Variants in ADGRB3 observed in about 807,000 individuals in gnomAD.
ADGRB3 encodes the protein brain-specific angiogenesis inhibitor 3.
A neutral mutation model predicts 193.4 loss-of-function variants in ADGRB3; 37 were observed. That is an observed-to-expected ratio of 0.19 (90% CI 0.15 to 0.25). The LOEUF (loss-of-function observed/expected upper bound fraction) is 0.25. ADGRB3 is among the 10% of genes least tolerant of loss of function. The pLI, the probability that ADGRB3 is intolerant of heterozygous loss-of-function variation, is 1.00. For synonymous variants in ADGRB3, 690 were observed against 644.2 expected (o/e 1.07, Z -1.08); for missense variants, 1,637 against 1,852.9 (o/e 0.88, Z 2.14).
intron 24 of ADGRB3, 69 bp from the exon 25 acceptor site, chr6:69,338,847 A>C (rs11751775): frequency 0.18 from 252,530 of 1,374,664 alleles, 26,059 homozygotes; most frequent in African/African-American, 0.37. Context: ...AGCTAACTTG[A>C]AGCAGCAATT....
At chr6:68,689,101 A>G (rs913449306) in intron 3 of ADGRB3, among the ~76,000 whole-genome samples, 1 of 152,134 alleles carries the variant, frequency 6.6e-6, no homozygotes, top group African/African-American at 2.4e-5. Context: ...TTACAGAGGT[A>G]TGGTCAGAGT....
rs181827399 is a variant in ADGRB3, at chr6:69,079,869, C to T, written c.2480+3831C>T. Among the ~76,000 whole-genome samples, 10 of 152,106 alleles carry T rather than the reference C, an allele frequency of 6.6e-5. No homozygotes were observed. In the East Asian group the frequency reaches 1.7e-3, roughly 26 times the overall value. ...CTACGTTTGTTTTCAGAAAGTGTTT[C>T]GTTAATCCATTTGTAATTTATTTAC... On this transcript the variant is annotated intron_variant, in intron 17 of 31. Transcript: ENST00000370598.
At chr6:69,203,590 C>T (rs1165081825) in intron 17 of ADGRB3, among the ~76,000 whole-genome samples, 1 of 152,060 alleles carries the variant, frequency 6.6e-6, no homozygotes, top group Non-Finnish European at 1.5e-5. Context: ...AAAGGCAAGT[C>T]TTGAAAACGT....
intron 13 of ADGRB3, among the ~76,000 whole-genome samples, chr6:69,035,925 G>A (rs193278858): frequency 6.5e-4 from 99 of 152,270 alleles, no homozygotes; most frequent in South Asian, 1.9e-3. Flanking sequence ...ATTACACAGG[G>A]AATGCATATT....
chr6:69,069,079 C>A (rs1474286079), intron 16 of ADGRB3, among the ~76,000 whole-genome samples: 2 of 152,110 alleles, frequency 1.3e-5, no homozygotes, highest in Non-Finnish European at 2.9e-5. Flanking sequence ...GCTTTAGGTA[C>A]ACAGCAGCTG....
chr6:69,330,382 A>G (rs1363251724), intron 22 of ADGRB3, 124 bp from the exon 23 acceptor site: 10 of 537,480 alleles, frequency 1.9e-5, no homozygotes, highest in Non-Finnish European at 2.5e-5. Flanking sequence ...ATTTTTTATT[A>G]CAAATGTTTA....
intron 17 of ADGRB3, among the ~76,000 whole-genome samples, chr6:69,145,163 A>G (rs1027129469): frequency 2.0e-5 from 3 of 152,110 alleles, no homozygotes; most frequent in Non-Finnish European, 2.9e-5. Flanking sequence ...CTCGGCTTGC[A>G]CTTCTGGCCT....
chr6:69,242,516 AAT>A (rs1303724123), intron 20 of ADGRB3, among the ~76,000 whole-genome samples: 1 of 151,962 alleles, frequency 6.6e-6, no homozygotes, highest in Admixed American at 6.6e-5. Flanking sequence ...TTTGAAGTGT[AAT>A]ATGAGGGCCT....
chr6:69,106,052 AAGAC>A (rs1449535892), intron 17 of ADGRB3, among the ~76,000 whole-genome samples: 6 of 151,716 alleles, frequency 4.0e-5, no homozygotes, highest in African/African-American at 1.5e-4. Flanking sequence ...ATGGGAGTCT[AAGAC>A]AGAAGAATAG....
At chr6:68,751,076 G>C (rs1023997848) in intron 3 of ADGRB3, among the ~76,000 whole-genome samples, 1 of 152,166 alleles carries the variant, frequency 6.6e-6, no homozygotes, top group African/African-American at 2.4e-5. Context: ...TTCTGCAAAT[G>C]TGGATGCAGG....
rs369133315 is a variant in ADGRB3 at position 69,090,504 on chromosome 6, T to G, written c.2480+14466T>G. The stretch of plus-strand genomic sequence containing the variant: ...GGACATAGCCATTTACTCATTCACT[T>G]TTTCACACACTCATTTATTCATTTA... On this transcript the variant is annotated intron_variant, in intron 17 of 31. Transcript: ENST00000370598. 2.0e-5 allele frequency among the ~76,000 whole-genome samples: 3 copies of G among 152,216 alleles called. No individual in the cohort carries two copies. The East Asian group carries it at 5.8e-4, about 29-fold the overall frequency.
intron 3 of ADGRB3, among the ~76,000 whole-genome samples, chr6:68,767,155 T>C (rs1766525797): frequency 6.6e-6 from 1 of 152,170 alleles, no homozygotes; most frequent in Admixed American, 6.6e-5. Flanking sequence ...TGTATAAGTA[T>C]CTTTATATTA....
chr6:68,734,566 T>C (rs1315675170), intron 3 of ADGRB3, among the ~76,000 whole-genome samples: 1 of 151,972 alleles, frequency 6.6e-6, no homozygotes, highest in Non-Finnish European at 1.5e-5. Flanking sequence ...CCCAGGGTGA[T>C]GTAAATGTAG....
At chr6:69,092,521 T>C (rs1171869749) in intron 17 of ADGRB3, among the ~76,000 whole-genome samples, 4 of 152,168 alleles carry the variant, frequency 2.6e-5, no homozygotes, top group African/African-American at 7.2e-5. Flanking sequence ...AAAAAGACTT[T>C]GGAGATTTGA....
intron 20 of ADGRB3, among the ~76,000 whole-genome samples, chr6:69,254,812 T>A (rs199628210): frequency 6.6e-6 from 1 of 150,696 alleles, no homozygotes; most frequent in African/African-American, 2.4e-5. Context: ...ACCCACTAAC[T>A]CGTCATCTAG....
Position 69,014,108 on chromosome 6 carries a change from T to C in ADGRB3, c.1998+2T>C. The C allele has an allele frequency of 6.3e-7, 1 of 1,598,744 alleles. No homozygotes were observed. Among genetic ancestry groups the C allele is most frequent in the Non-Finnish European group, 8.5e-7 (1 of 1,170,686 alleles). On this transcript the variant is annotated splice_donor_variant, in intron 12 of 31. Transcript: ENST00000370598. LOFTEE classifies it high-confidence loss of function. ...GAAAAATGGGAAGATGCACAACAGG[T>C]AAGGTTAGGGTTATTTCAGAACTTG...
At chr6:69,023,255 G>A (rs1770324688) in intron 13 of ADGRB3, among the ~76,000 whole-genome samples, 1 of 152,098 alleles carries the variant, frequency 6.6e-6, no homozygotes, top group Non-Finnish European at 1.5e-5. Context: ...GTTGTAGACA[G>A]AAAAGAATTA....
At chr6:69,258,766 A>T (rs897438741) in intron 20 of ADGRB3, among the ~76,000 whole-genome samples, 4 of 152,244 alleles carry the variant, frequency 2.6e-5, no homozygotes, top group African/African-American at 4.8e-5. Flanking sequence ...CAGGACATTT[A>T]GAAAAACCAT....
chr6:69,356,426 G>A (rs1029516473), intron 28 of ADGRB3, among the ~76,000 whole-genome samples: 3 of 152,080 alleles, frequency 2.0e-5, no homozygotes, highest in Admixed American at 1.3e-4. Context: ...ATATTTATGT[G>A]TATGACAAAA....
Sources: gnomAD v4.1 joint callset for allele counts (sites outside exome capture counted in the v4.1 genomes callset) on GRCh38, gnomAD v4.1.1 for gene constraint, MANE v1.5 for transcripts, NCBI Gene and HGNC (gene_info 2026-07-23, HGNC 2026-07-21) for gene names.